The following CBFA2T2 variants were observed in gnomAD, a reference collection of about 807,000 sequenced individuals.
The protein encoded by CBFA2T2 is CBFA2/RUNX1 partner transcriptional co-repressor 2, also known as protein CBFA2T2.
CBFA2T2 carries 11 observed loss-of-function variants against 62.2 expected under a neutral mutation model. That is an observed-to-expected ratio of 0.18 (90% confidence interval 0.11 to 0.29). The LOEUF (loss-of-function observed/expected upper bound fraction) is 0.29, where lower values mean the gene tolerates loss of function less well. Among genes scored for constraint, CBFA2T2 ranks in the 10% least tolerant of loss-of-function variants. The pLI is 1.00. For synonymous variants in CBFA2T2, 295 were observed against 287.5 expected, an observed-to-expected ratio of 1.03 and a Z score of -0.27; for missense variants, 592 against 774.1, an observed-to-expected ratio of 0.76 and a Z score of 2.79.
intron 3 of CBFA2T2, among the ~76,000 whole-genome samples, chr20:33,612,183 T>A (rs1005089878): frequency 4.6e-5 from 7 of 152,360 alleles, no homozygotes; most frequent in South Asian, 4.1e-4. Flanking sequence ...TCTTTCTTTC[T>A]ATACTGCACG....
At chr20:33,634,670 CAAAA>C (rs758089440) in intron 8 of CBFA2T2, among the ~76,000 whole-genome samples, 5 of 47,924 alleles carry the variant, frequency 1.0e-4, no homozygotes, top group East Asian at 7.7e-4. Flanking sequence ...ACCCTATGTC[CAAAA>C]AAAAAAAAAA....
intron 1 of CBFA2T2, among the ~76,000 whole-genome samples, chr20:33,548,579 G>A (rs150699912): frequency 6.6e-6 from 1 of 152,208 alleles, no homozygotes; most frequent in Non-Finnish European, 1.5e-5. Flanking sequence ...TTTGGACTTA[G>A]TTTCCTGTGG....
intron 1 of CBFA2T2, among the ~76,000 whole-genome samples, chr20:33,493,202 A>G (rs2011162476): frequency 1.3e-5 from 2 of 150,322 alleles, no homozygotes; most frequent in Non-Finnish European, 3.0e-5. Context: ...CAGCTTCCCA[A>G]GTAGCTGGTA....
At chr20:33,520,970 TCACACACACACA>T (rs143080667) in intron 1 of CBFA2T2, among the ~76,000 whole-genome samples, 1 of 137,030 alleles carries the variant, frequency 7.3e-6, no homozygotes, top group Middle Eastern at 3.4e-3. Flanking sequence ...TCACCTGCCA[TCACACACACACA>T]CACACACACA....
At chr20:33,622,143 T>C (rs1204145171) in intron 4 of CBFA2T2, among the ~76,000 whole-genome samples, 1 of 152,232 alleles carries the variant, frequency 6.6e-6, no homozygotes, top group Admixed American at 6.5e-5. Context: ...GAGTTTTATA[T>C]AGTCAAATTC....
intron 1 of CBFA2T2, among the ~76,000 whole-genome samples, chr20:33,572,050 G>T (rs373538877): frequency 1.3e-5 from 2 of 152,188 alleles, no homozygotes; most frequent in South Asian, 2.1e-4. Flanking sequence ...GCCACCACGG[G>T]CCTGGCTAAT....
At chr20:33,571,443 A>G (rs756904418) in intron 1 of CBFA2T2, among the ~76,000 whole-genome samples, 1 of 152,208 alleles carries the variant, frequency 6.6e-6, no homozygotes, top group South Asian at 2.1e-4. Context: ...TGTACTTGAC[A>G]TAAAATCTAA....
intron 1 of CBFA2T2, among the ~76,000 whole-genome samples, chr20:33,550,726 A>G (rs961532491): frequency 3.3e-5 from 5 of 152,002 alleles, no homozygotes; most frequent in African/African-American, 7.3e-5. Context: ...GGTTCAAGCA[A>G]TTCTCCTGCC....
intron 1 of CBFA2T2, among the ~76,000 whole-genome samples, chr20:33,548,589 G>T (rs1031009972): frequency 6.6e-6 from 1 of 151,972 alleles, no homozygotes; most frequent in African/African-American, 2.4e-5. Flanking sequence ...GTTTCCTGTG[G>T]GTTCAGCAAT....
intron 1 of CBFA2T2, among the ~76,000 whole-genome samples, chr20:33,572,031 C>T (rs891278674): frequency 3.6e-4 from 55 of 152,222 alleles, no homozygotes; most frequent in Admixed American, 3.3e-4. Flanking sequence ...GCTGGGACTA[C>T]AGGCGCCTGC....
At position 33,649,130 on chromosome 20, in the gene CBFA2T2, T is replaced by C. The variant is rs1241266695; in HGVS notation, c.*4484T>C. ...TGAACTAGAAACAAGGTTTCCAGGCTCCCAGGTCAGTAGACCAAACCAACT... is the reference window on the plus strand; with the variant it reads ...TGAACTAGAAACAAGGTTTCCAGGCCCCCAGGTCAGTAGACCAAACCAACT... On this transcript the variant is annotated 3_prime_UTR_variant, in exon 11 of 11. Coordinates refer to ENST00000342704, the MANE Select transcript of CBFA2T2 (RefSeq NM_001032999.3). 1 of 152,068 alleles carries C rather than the reference T, an allele frequency of 6.6e-6. No homozygotes were observed. The highest frequency in any genetic ancestry group is 1.5e-5 in the Non-Finnish European group (1 of 68,012). 9.4% of individuals were successfully genotyped at this position (152,068 alleles called of 1,614,324 possible). A position where few individuals can be genotyped will look rare whatever the true frequency, so the allele number is the denominator to read the frequency against.
At chr20:33,538,371 T>TCTTTTTC (rs1224035674) in intron 1 of CBFA2T2, among the ~76,000 whole-genome samples, 1 of 152,090 alleles carries the variant, frequency 6.6e-6, no homozygotes, top group African/African-American at 2.4e-5. Flanking sequence ...TTTTCTTTTT[T>TCTTTTTC]CTTTTTCCTT....
chr20:33,633,369 G>A (rs1022663299), intron 8 of CBFA2T2, among the ~76,000 whole-genome samples: 2 of 110,562 alleles, frequency 1.8e-5, no homozygotes, highest in Non-Finnish European at 3.3e-5. Context: ...AGACTCTGTC[G>A]CAAAAAAAAA....
chr20:33,525,603 A>G (rs1000151255), intron 1 of CBFA2T2, among the ~76,000 whole-genome samples: 1 of 152,152 alleles, frequency 6.6e-6, no homozygotes, highest in African/African-American at 2.4e-5. Context: ...GAAACCCCAT[A>G]CCCATTAACA....
chr20:33,492,346 G>T, intron 1 of CBFA2T2, among the ~76,000 whole-genome samples: 1 of 151,270 alleles, frequency 6.6e-6, no homozygotes, highest in South Asian at 2.1e-4. Flanking sequence ...TGAAAAAATT[G>T]GGGGGCTCTT....
At chr20:33,617,763 T>C (rs1222780192) in intron 3 of CBFA2T2, among the ~76,000 whole-genome samples, 3 of 152,212 alleles carry the variant, frequency 2.0e-5, no homozygotes, top group Admixed American at 1.3e-4. Context: ...ACGTTAACTT[T>C]AAAAGAATTT....
chr20:33,603,983 C>A (rs1050229717), intron 1 of CBFA2T2, among the ~76,000 whole-genome samples: 2 of 152,132 alleles, frequency 1.3e-5, no homozygotes, highest in Admixed American at 6.5e-5. Flanking sequence ...CTGAATTTGT[C>A]ACCTTGTAAA....
At chr20:33,574,975 A>G (rs1053774434) in intron 1 of CBFA2T2, among the ~76,000 whole-genome samples, 3 of 152,238 alleles carry the variant, frequency 2.0e-5, no homozygotes, top group African/African-American at 4.8e-5. Context: ...GCCTGGATGA[A>G]TAGGCTTTGG....
chr20:33,566,451 C>CA (rs2013314486), intron 1 of CBFA2T2, among the ~76,000 whole-genome samples: 1 of 151,878 alleles, frequency 6.6e-6, no homozygotes, highest in African/African-American at 2.4e-5. Flanking sequence ...ACTAAAAATA[C>CA]AAAAATTAGC....
Sources: allele counts gnomAD v4.1 joint callset (sites outside exome capture counted in the v4.1 genomes callset), GRCh38; gene constraint gnomAD v4.1.1; transcripts MANE v1.5; gene names NCBI Gene and HGNC (gene_info 2026-07-23, HGNC 2026-07-21).